Variants in CSMD1 observed in about 807,000 individuals in gnomAD.
CSMD1 encodes the protein CUB and Sushi multiple domains 1, also known as CUB and sushi domain-containing protein 1.
CSMD1 carries 213 observed loss-of-function variants against 417.5 expected under a neutral mutation model. That is an observed-to-expected ratio of 0.51 (90% CI 0.46 to 0.57). The LOEUF (loss-of-function observed/expected upper bound fraction) is 0.57. Ranked by LOEUF, CSMD1 falls within the 20% of genes least tolerant of loss-of-function variation. CSMD1 has a pLI of 0.00. For missense variants in CSMD1, 6,923 were observed against 4,529.7 expected (o/e 1.53, Z -15.17); for synonymous variants, 2,862 against 1,736.8 (o/e 1.65, Z -16.11).
chr8:3,664,527 T>C (rs1316746597), intron 7 of CSMD1, among the ~76,000 whole-genome samples: 1 of 152,226 alleles, frequency 6.6e-6, no homozygotes, highest in Non-Finnish European at 1.5e-5. Flanking sequence ...TGTATGCTGA[T>C]GGTGGGTCAA....
chr8:3,453,403 T>C (rs183198548), intron 12 of CSMD1, among the ~76,000 whole-genome samples: 1 of 152,182 alleles, frequency 6.6e-6, no homozygotes, highest in Non-Finnish European at 1.5e-5. Flanking sequence ...ATTGTGATGT[T>C]AGGATGTCAA....
Position 3,931,148 on chromosome 8 carries a change from T to A in CSMD1, c.818+66755A>T, listed in dbSNP as rs150185324. The stretch of plus-strand genomic sequence containing the variant: ...CAGGGTAACCATAGATAATTTCAGC[T>A]AAACATCGTCTGCATCTTTTAAAGC... On this transcript the variant is annotated intron_variant, in intron 5 of 69. Transcript: ENST00000635120. Among the ~76,000 whole-genome samples, 46 of 150,814 alleles carry A rather than the reference T, an allele frequency of 3.1e-4. 2 individuals carry two copies. Among genetic ancestry groups the A allele is most frequent in the African/African-American group, 1.1e-3 (44 of 41,006 alleles).
At chr8:3,790,874 T>C (rs368569345) in intron 5 of CSMD1, among the ~76,000 whole-genome samples, 47 of 152,108 alleles carry the variant, frequency 3.1e-4, no homozygotes, top group African/African-American at 1.1e-3. Flanking sequence ...CTTTTTGAGA[T>C]GGAAACTGTC....
intron 1 of CSMD1, among the ~76,000 whole-genome samples, chr8:4,686,703 A>T (rs1275709911): frequency 6.6e-6 from 1 of 152,188 alleles, no homozygotes; most frequent in Non-Finnish European, 1.5e-5. Context: ...ATATTACATA[A>T]ATTTGTAGGC....
At chr8:4,865,256 T>C (rs1332400326) in intron 1 of CSMD1, among the ~76,000 whole-genome samples, 2 of 151,878 alleles carry the variant, frequency 1.3e-5, no homozygotes, top group Non-Finnish European at 2.9e-5. Flanking sequence ...ATAAAACTTC[T>C]ATGTTATTCA....
intron 5 of CSMD1, among the ~76,000 whole-genome samples, chr8:3,793,068 G>C (rs899530523): frequency 6.6e-6 from 1 of 152,150 alleles, no homozygotes; most frequent in East Asian, 1.9e-4. Flanking sequence ...ACACCCAAAA[G>C]AGTAGAAAGG....
chr8:3,720,001 G>A (rs539663718), intron 6 of CSMD1, among the ~76,000 whole-genome samples: 26 of 152,300 alleles, frequency 1.7e-4, no homozygotes, highest in Non-Finnish European at 3.1e-4. Context: ...TACATGACAT[G>A]GCAAATAGAA....
At position 3,266,780 on chromosome 8, in the gene CSMD1, A is replaced by G. The variant is rs1030823232; in HGVS notation, c.4153+17364T>C. Among the ~76,000 whole-genome samples the G allele has an allele frequency of 1.6e-3, 165 of 103,890 alleles. 1 individual carries two copies. The highest frequency in any genetic ancestry group is 2.0e-3 in the Non-Finnish European group (99 of 49,502). The allele number at this position is 103,890 out of a possible 152,430, so 68.2% of individuals were successfully genotyped here. A position where few individuals can be genotyped will look rare whatever the true frequency, so the allele number is the denominator to read the frequency against. ...AAAGAGTGAGACACTGTCTTAAAAA[A>G]AATCAAAAAAAAAAAAAAAGGACCA... On this transcript the variant is annotated intron_variant, in intron 26 of 69. Coordinates refer to ENST00000635120, the MANE Select transcript of CSMD1 (RefSeq NM_033225.6).
At chr8:3,915,405 CAAAAAAAAAAAA>C (rs778981187) in intron 5 of CSMD1, among the ~76,000 whole-genome samples, 14 of 76,294 alleles carry the variant, frequency 1.8e-4, no homozygotes, top group Admixed American at 1.7e-3. Flanking sequence ...GACTCTGTCT[CAAAAAAAAAAAA>C]AAAAAAAAAA....
intron 2 of CSMD1, among the ~76,000 whole-genome samples, chr8:4,426,969 C>G (rs1044199214): frequency 7.2e-5 from 11 of 151,862 alleles, no homozygotes; most frequent in Non-Finnish European, 1.3e-4. Flanking sequence ...ATAAGACTGG[C>G]CTGGTCTAGG....
intron 2 of CSMD1, among the ~76,000 whole-genome samples, chr8:4,449,953 T>C (rs1038789298): frequency 9.2e-5 from 14 of 152,140 alleles, no homozygotes; most frequent in African/African-American, 3.4e-4. Flanking sequence ...ATTTTGCTCT[T>C]TTTCTTGTTT....
chr8:4,638,593 G>C (rs560525070), intron 1 of CSMD1, among the ~76,000 whole-genome samples: 1 of 152,182 alleles, frequency 6.6e-6, no homozygotes, highest in African/African-American at 2.4e-5. Flanking sequence ...ACCACAAAAT[G>C]AGGGGACCAA....
At chr8:4,607,127 T>A (rs1159610921) in intron 2 of CSMD1, among the ~76,000 whole-genome samples, 1 of 152,180 alleles carries the variant, frequency 6.6e-6, no homozygotes, top group Non-Finnish European at 1.5e-5. Flanking sequence ...AGCACTTTTT[T>A]TTACCTGGGA....
In CSMD1 at chr8:3,087,112, T is replaced by C. The variant is rs1354958896; in HGVS notation, c.7459A>G (p.Thr2487Ala). 6.2e-7 allele frequency: 1 copy of C among 1,613,360 alleles called. No homozygotes were observed. The highest frequency in any genetic ancestry group is 2.2e-5 in the East Asian group (1 of 44,858). The change falls in exon 49 of 70, where the codon ACG (threonine) becomes GCG (alanine). Residue 2487 changes from threonine to alanine, a missense_variant. Thr to Ala is a moderately conservative substitution (Grantham distance 58). Transcript: ENST00000635120. ...CATTTCTTACCCTGGCAGAGTGGCG[T>C]GAGGGAGTCCCACTGGTACATGCCA... The part of the protein sequence containing the change: ...PLGMYQWDSL[T>A]PLCQAVSCGI...
intron 50 of CSMD1, among the ~76,000 whole-genome samples, chr8:3,042,561 C>T (rs59213950): frequency 0.015 from 2,229 of 152,244 alleles, 39 homozygotes; most frequent in African/African-American, 0.043. Context: ...GGGCACTTTA[C>T]GCTAGTTCCA....
At chr8:2,939,937 C>G (rs545269831) in intron 69 of CSMD1, among the ~76,000 whole-genome samples, 1 of 152,080 alleles carries the variant, frequency 6.6e-6, no homozygotes, top group African/African-American at 2.4e-5. Flanking sequence ...TAGGGAAATG[C>G]AATCCCAGAG....
chr8:4,453,326 C>T (rs753388106), intron 2 of CSMD1, among the ~76,000 whole-genome samples: 1 of 152,152 alleles, frequency 6.6e-6, no homozygotes, highest in African/African-American at 2.4e-5. Context: ...AGAATTCAGA[C>T]TCCCACTGGG....
At chr8:4,172,257 T>A (rs977813404) in intron 3 of CSMD1, among the ~76,000 whole-genome samples, 5 of 152,190 alleles carry the variant, frequency 3.3e-5, no homozygotes, top group African/African-American at 7.2e-5. Context: ...AACAAATGAA[T>A]GTCTGGAATC....
rs542986858 is a variant in CSMD1 at position 4,288,409 on chromosome 8, C to T, written c.415+131544G>A. ...AAGAATGACCTACAAATATCTCAGG[C>T]TTGTTCACACAAACTCAGGAAATTC... On this transcript the variant is annotated intron_variant, in intron 3 of 69. Transcript: ENST00000635120. Among the ~76,000 whole-genome samples the T allele has an allele frequency of 3.9e-5, 6 of 152,286 alleles. No homozygotes were observed. The East Asian group carries it at 9.7e-4, about 25-fold the overall frequency.
Sources: gnomAD v4.1 joint callset for allele counts (sites outside exome capture counted in the v4.1 genomes callset) on GRCh38, gnomAD v4.1.1 for gene constraint, MANE v1.5 for transcripts, NCBI Gene and HGNC (gene_info 2026-07-23, HGNC 2026-07-21) for gene names.